The following RABGAP1L variants were observed in gnomAD, a reference collection of about 807,000 sequenced individuals.
The protein encoded by RABGAP1L is rab GTPase-activating protein 1-like.
A neutral mutation model predicts 137.7 loss-of-function variants in RABGAP1L; 63 were observed. That is an observed-to-expected ratio of 0.46 (90% CI 0.37 to 0.56). The LOEUF (loss-of-function observed/expected upper bound fraction) is 0.56, where lower values mean the gene tolerates loss of function less well. Ranked by LOEUF, RABGAP1L falls within the 20% of genes least tolerant of loss-of-function variation. RABGAP1L has a pLI of 0.00. For synonymous variants in RABGAP1L, 431 were observed against 433.7 expected (o/e 0.99, Z 0.08); for missense variants, 1,095 against 1,244.0 (o/e 0.88, Z 1.80).
chr1:174,210,851 G>C (rs1354239392), intron 1 of RABGAP1L, among the ~76,000 whole-genome samples: 1 of 152,158 alleles, frequency 6.6e-6, no homozygotes, highest in Non-Finnish European at 1.5e-5. Flanking sequence ...AAAGAAGCAA[G>C]AGAGAAGAAA....
intron 18 of RABGAP1L, among the ~76,000 whole-genome samples, chr1:174,772,970 T>A (rs1558063699): frequency 6.6e-6 from 1 of 152,214 alleles, no homozygotes. Context: ...ATTTTATCAG[T>A]GATTCTATTA....
At position 174,448,559 on chromosome 1, in the gene RABGAP1L, A is replaced by G. The variant is rs765304392; in HGVS notation, c.1710+54414A>G. The G allele has an allele frequency of 5.0e-6, 8 of 1,613,592 alleles. No homozygotes were observed. Among genetic ancestry groups the G allele is most frequent in the Non-Finnish European group, 6.8e-6 (8 of 1,179,680 alleles). On this transcript the variant is annotated intron_variant, in intron 13 of 25. Transcript: ENST00000681986. This position sits in a 1 kb window ranked among gnomAD's most constrained non-coding sequence, Gnocchi z 4.2. ...TGCAATAACCAAGCCTCTTTCCTAC[A>G]ATCAACTGGTCACCCCTTGTCGCTT...
chr1:174,755,673 A>G (rs183498304), intron 18 of RABGAP1L, among the ~76,000 whole-genome samples: 4 of 152,356 alleles, frequency 2.6e-5, no homozygotes, highest in Middle Eastern at 3.4e-3. Context: ...CTATGGTTAT[A>G]TAAGTATGCA....
chr1:174,635,047 A>T (rs1448683506), intron 13 of RABGAP1L, among the ~76,000 whole-genome samples: 4 of 151,288 alleles, frequency 2.6e-5, no homozygotes, highest in African/African-American at 9.7e-5. Context: ...AAATAAAATA[A>T]TAATAAAATA....
At chr1:174,614,888 C>T (rs1671652424) in intron 13 of RABGAP1L, among the ~76,000 whole-genome samples, 1 of 152,220 alleles carries the variant, frequency 6.6e-6, no homozygotes, top group African/African-American at 2.4e-5. Flanking sequence ...GAGGCTTCTG[C>T]ATTCTTCACG....
intron 8 of RABGAP1L, 29 bp downstream of exon 8, chr1:174,272,509 AGT>A: frequency 6.7e-7 from 1 of 1,484,672 alleles, no homozygotes; most frequent in Non-Finnish European, 8.9e-7. Context: ...ACCTTAACCA[AGT>A]ATAGATGATA....
At chr1:174,749,571 T>C (rs960261769) in intron 17 of RABGAP1L, among the ~76,000 whole-genome samples, 1 of 152,086 alleles carries the variant, frequency 6.6e-6, no homozygotes, top group African/African-American at 2.4e-5. Context: ...TGATTGGCAA[T>C]TGGTTGAAAG....
intron 14 of RABGAP1L, among the ~76,000 whole-genome samples, chr1:174,658,617 ACTC>A (rs1310846186): frequency 2.6e-5 from 4 of 151,848 alleles, no homozygotes; most frequent in African/African-American, 9.7e-5. Flanking sequence ...CCCTAGGTGA[ACTC>A]CTCCTTATCT....
intron 13 of RABGAP1L, among the ~76,000 whole-genome samples, chr1:174,550,472 C>T (rs553688647): frequency 8.5e-5 from 13 of 152,242 alleles, no homozygotes; most frequent in African/African-American, 2.4e-4. Flanking sequence ...AGCAAATCAA[C>T]GATAGTCCTA....
intron 13 of RABGAP1L, chr1:174,449,145 A>C (rs886274271): frequency 1.9e-6 from 3 of 1,611,630 alleles, no homozygotes; most frequent in Non-Finnish European, 2.5e-6. Flanking sequence ...GTGAAGGATC[A>C]GGAAGCACAA....
At chr1:174,273,597 A>G (rs1674736251) in intron 8 of RABGAP1L, among the ~76,000 whole-genome samples, 1 of 151,940 alleles carries the variant, frequency 6.6e-6, no homozygotes, top group Non-Finnish European at 1.5e-5. Flanking sequence ...GGTTTTACCT[A>G]AGGCAAGCCA....
At chr1:174,975,534 G>A (rs909323243) in intron 21 of RABGAP1L, among the ~76,000 whole-genome samples, 1 of 152,098 alleles carries the variant, frequency 6.6e-6, no homozygotes, top group Non-Finnish European at 1.5e-5. Flanking sequence ...CTGTGTGAGT[G>A]GCCATGTGGG....
chr1:174,454,886 C>T (rs559590455), intron 13 of RABGAP1L, among the ~76,000 whole-genome samples: 98 of 152,206 alleles, frequency 6.4e-4, no homozygotes, highest in Non-Finnish European at 1.1e-3. Flanking sequence ...TTCATGGCAC[C>T]TTTCTGCATT....
chr1:174,160,017 G>A, intron 1 of RABGAP1L: 1 of 152,506 alleles, frequency 6.6e-6, no homozygotes, highest in Non-Finnish European at 1.5e-5. Flanking sequence ...TGTGGCTGCT[G>A]CTGGATTCGC....
chr1:174,536,115 T>C (rs1480680181), intron 13 of RABGAP1L, among the ~76,000 whole-genome samples: 1 of 152,150 alleles, frequency 6.6e-6, no homozygotes, highest in Non-Finnish European at 1.5e-5. Flanking sequence ...TTTTCCTCTT[T>C]GCAAATATCT....
intron 19 of RABGAP1L, among the ~76,000 whole-genome samples, chr1:174,905,520 G>GA (rs548325509): frequency 7.3e-5 from 11 of 149,808 alleles, no homozygotes; most frequent in Non-Finnish European, 1.0e-4. Context: ...CTAAACAGAG[G>GA]AAAAAAAAAA....
At chr1:174,964,676 G>T (rs749325199) in intron 20 of RABGAP1L, 5 of 603,056 alleles carry the variant, frequency 8.3e-6, no homozygotes, top group Non-Finnish European at 1.2e-5. Flanking sequence ...CAGCATTTTA[G>T]TCATTCATGC....
rs149801502 is a variant in RABGAP1L, at chr1:174,257,053, C to G, written c.986+4463C>G. Among the ~76,000 whole-genome samples the G allele has an allele frequency of 4.7e-3, 714 of 152,246 alleles. 6 individuals are homozygous for G. The highest frequency in any genetic ancestry group is 0.014 in the African/African-American group (592 of 41,556). Reference sequence around the variant, plus strand: ...TAAATTTAACCCCACCTCCTCCCCCCAGTACTATATAATTGACTGAAGTAC... The same window carrying G: ...TAAATTTAACCCCACCTCCTCCCCCGAGTACTATATAATTGACTGAAGTAC... On this transcript the variant is annotated intron_variant, in intron 7 of 25. Transcript: ENST00000681986.
chr1:174,542,420 C>G (rs1330225291), intron 13 of RABGAP1L, among the ~76,000 whole-genome samples: 1 of 152,180 alleles, frequency 6.6e-6, no homozygotes, highest in Non-Finnish European at 1.5e-5. Flanking sequence ...GTTTGTATTT[C>G]TGTGGGATCT....
Sources: allele counts gnomAD v4.1 joint callset (sites outside exome capture counted in the v4.1 genomes callset), GRCh38; gene constraint gnomAD v4.1.1; non-coding constraint Gnocchi (gnomAD v3.1); transcripts MANE v1.5; gene names NCBI Gene and HGNC (gene_info 2026-07-23, HGNC 2026-07-21).